Variants in CSRNP3 observed in about 807,000 individuals in gnomAD.
CSRNP3 encodes the protein cysteine/serine-rich nuclear protein 3.
Under a neutral mutation model 48.0 loss-of-function variants are expected in CSRNP3, and 12 were observed. The observed-to-expected ratio is 0.25, with a 90% CI of 0.16 to 0.41. CSRNP3 has a LOEUF of 0.41. Ranked by LOEUF, CSRNP3 falls within the 10% of genes least tolerant of loss-of-function variation. The pLI is 1.00. For synonymous variants in CSRNP3, 263 were observed against 269.7 expected, an observed-to-expected ratio of 0.98 and a Z score of 0.24; for missense variants, 580 against 724.4, an observed-to-expected ratio of 0.80 and a Z score of 2.29.
At chr2:165,616,516 T>C (rs567516420) in intron 4 of CSRNP3, among the ~76,000 whole-genome samples, 5 of 152,336 alleles carry the variant, frequency 3.3e-5, no homozygotes, top group Non-Finnish European at 5.9e-5. Context: ...TCTTTCATTT[T>C]GAAGCATAGC....
chr2:165,578,229 C>T (rs1051046788), intron 3 of CSRNP3, among the ~76,000 whole-genome samples: 13 of 152,022 alleles, frequency 8.6e-5, no homozygotes, highest in African/African-American at 3.1e-4. Flanking sequence ...AATTTACCAT[C>T]TTTCACCACA....
chr2:165,641,183 T>C (rs1293598595), intron 4 of CSRNP3, among the ~76,000 whole-genome samples: 1 of 152,222 alleles, frequency 6.6e-6, no homozygotes, highest in Non-Finnish European at 1.5e-5. Context: ...TTGTGTGCAA[T>C]TTTAAACCAG....
intron 4 of CSRNP3, among the ~76,000 whole-genome samples, chr2:165,604,042 C>A (rs565137853): frequency 1.2e-3 from 188 of 152,252 alleles, no homozygotes; most frequent in African/African-American, 4.4e-3. Context: ...CTGATCAGTA[C>A]ATGATAAGTA....
chr2:165,628,085 G>A (rs1257575185), intron 4 of CSRNP3, among the ~76,000 whole-genome samples: 2 of 152,120 alleles, frequency 1.3e-5, no homozygotes, highest in African/African-American at 4.8e-5. Context: ...CTGTCCAGCG[G>A]AATTGCCACA....
chr2:165,657,902 G>T lies in CSRNP3; in HGVS notation c.290G>T (p.Arg97Leu). 6.2e-7 allele frequency: 1 copy of T among 1,614,068 alleles called. No homozygotes were observed. The highest frequency in any genetic ancestry group is 8.5e-7 in the Non-Finnish European group (1 of 1,179,990). ...GGAAGCACCCTGGGGATGTCCAGCC[G>T]CCATAACAGCGTGCGCCAGTACACT... is the stretch of plus-strand genomic sequence containing the variant. ...QGGSTLGMSS[R>L]HNSVRQYTLG... Residue 97 changes from arginine (R) to leucine (L), a missense_variant, in exon 5 of 7, where the codon CGC becomes CTC. Physicochemically the swap from Arg to Leu is moderately radical, Grantham distance 102 (BLOSUM62 -2). This residue lies in a region of CSRNP3 where 83 missense variants were observed against 139.6 expected (regional missense o/e 0.59). Coordinates refer to ENST00000651982, the MANE Select transcript of CSRNP3 (RefSeq NM_001172173.2).
chr2:165,674,796 G>A (rs1687396368), intron 5 of CSRNP3, among the ~76,000 whole-genome samples: 1 of 149,778 alleles, frequency 6.7e-6, no homozygotes, highest in East Asian at 2.0e-4. Context: ...ACTGCAGCCT[G>A]ACCTCCCGGG....
At chr2:165,483,948 A>T (rs928212303) in intron 1 of CSRNP3, among the ~76,000 whole-genome samples, 2 of 152,232 alleles carry the variant, frequency 1.3e-5, no homozygotes, top group African/African-American at 4.8e-5. Flanking sequence ...TCTATTGAAT[A>T]AATATTCAGA....
chr2:165,663,702 G>T (rs1687133288), intron 5 of CSRNP3, among the ~76,000 whole-genome samples: 1 of 152,132 alleles, frequency 6.6e-6, no homozygotes, highest in Non-Finnish European at 1.5e-5. Context: ...AAAATGTGGG[G>T]TATATTCAGT....
intron 4 of CSRNP3, among the ~76,000 whole-genome samples, chr2:165,599,826 AC>A (rs1337226801): frequency 1.3e-5 from 2 of 151,770 alleles, no homozygotes; most frequent in African/African-American, 4.8e-5. Flanking sequence ...CTATTTCTTT[AC>A]TTTTTTTTAC....
At chr2:165,665,668 G>C (rs1427770296) in intron 5 of CSRNP3, among the ~76,000 whole-genome samples, 2 of 151,964 alleles carry the variant, frequency 1.3e-5, no homozygotes, top group African/African-American at 2.4e-5. Context: ...GTTGTGATGA[G>C]TGCATCACTT....
intron 2 of CSRNP3, among the ~76,000 whole-genome samples, chr2:165,508,633 T>A (rs1349645056): frequency 1.3e-5 from 2 of 152,116 alleles, no homozygotes; most frequent in Non-Finnish European, 2.9e-5. Context: ...CTAAGAGGAA[T>A]TTTTAGTCAA....
intron 3 of CSRNP3, among the ~76,000 whole-genome samples, chr2:165,586,232 A>G (rs1196467646): frequency 6.6e-6 from 1 of 152,282 alleles, no homozygotes; most frequent in East Asian, 1.9e-4. Context: ...TGGTAAATTC[A>G]TGATTCACCT....
chr2:165,517,130 A>G (rs901117222), intron 2 of CSRNP3, among the ~76,000 whole-genome samples: 2 of 152,054 alleles, frequency 1.3e-5, no homozygotes, highest in African/African-American at 4.8e-5. Context: ...CTTGACATAC[A>G]AGAGTAGAAA....
intron 4 of CSRNP3, among the ~76,000 whole-genome samples, chr2:165,642,990 G>T (rs1326248759): frequency 6.6e-6 from 1 of 152,204 alleles, no homozygotes; most frequent in African/African-American, 2.4e-5. Flanking sequence ...AAGAAAGAGA[G>T]ATAGAGAGAA....
intron 5 of CSRNP3, among the ~76,000 whole-genome samples, chr2:165,665,989 A>AGAGG (rs149578401): frequency 1.3e-4 from 15 of 116,508 alleles, no homozygotes; most frequent in South Asian, 3.1e-4. Context: ...AGAAAGAGAG[A>AGAGG]AAGGAAGGAA....
intron 4 of CSRNP3, among the ~76,000 whole-genome samples, chr2:165,653,847 C>T (rs1573946249): frequency 6.6e-6 from 1 of 151,706 alleles, no homozygotes; most frequent in East Asian, 1.9e-4. Context: ...TGGCAGATAC[C>T]TGTAATCCCA....
At chr2:165,586,761 A>C (rs943792694) in intron 3 of CSRNP3, among the ~76,000 whole-genome samples, 1 of 152,366 alleles carries the variant, frequency 6.6e-6, no homozygotes, top group East Asian at 1.9e-4. Flanking sequence ...TGAGTTATCT[A>C]TGAAAGCCAT....
At chr2:165,669,205 G>T (rs909237483) in intron 5 of CSRNP3, among the ~76,000 whole-genome samples, 1 of 152,124 alleles carries the variant, frequency 6.6e-6, no homozygotes, top group African/African-American at 2.4e-5. Flanking sequence ...TTTTTCACAC[G>T]TGTGAATAAT....
At chr2:165,587,949 T>C (rs1243606437) in intron 3 of CSRNP3, among the ~76,000 whole-genome samples, 1 of 152,186 alleles carries the variant, frequency 6.6e-6, no homozygotes, top group Non-Finnish European at 1.5e-5. Context: ...CTTATATTAA[T>C]TCACTGAACA....
Sources: allele counts gnomAD v4.1 joint callset (sites outside exome capture counted in the v4.1 genomes callset), GRCh38; gene constraint gnomAD v4.1.1; regional missense constraint gnomAD v4.1.1; transcripts MANE v1.5; gene names NCBI Gene and HGNC (gene_info 2026-07-23, HGNC 2026-07-21).